Variants in MBNL2 observed in about 807,000 individuals in gnomAD.
The protein encoded by MBNL2 is muscleblind-like protein 2.
In MBNL2, 17 loss-of-function variants were observed where a neutral mutation model predicts 41.9. The observed-to-expected ratio is 0.41, with a 90% CI of 0.28 to 0.61. The LOEUF (loss-of-function observed/expected upper bound fraction) is 0.61, where lower values mean the gene tolerates loss of function less well. Ranked by LOEUF, MBNL2 falls within the 20% of genes least tolerant of loss-of-function variation. The pLI, the probability that MBNL2 is intolerant of heterozygous loss-of-function variation, is 0.35. For synonymous variants in MBNL2, 195 were observed against 182.9 expected (o/e 1.07, Z -0.53); for missense variants, 336 against 505.6 (o/e 0.66, Z 3.22).
chr13:97,383,589 CT>C (rs759808541), intron 8 of MBNL2, among the ~76,000 whole-genome samples: 1 of 152,110 alleles, frequency 6.6e-6, no homozygotes, highest in African/African-American at 2.4e-5. Flanking sequence ...TGAATATAAA[CT>C]TTCTACTAAA....
intron 8 of MBNL2, among the ~76,000 whole-genome samples, chr13:97,378,011 T>G (rs927451603): frequency 6.6e-6 from 1 of 151,796 alleles, no homozygotes; most frequent in Non-Finnish European, 1.5e-5. Context: ...TGAGACTGGA[T>G]GCACAGAGGT....
At chr13:97,187,646 G>A in the MBNL2 span, among the ~76,000 whole-genome samples, 10,221 of 134,458 alleles carry the variant, frequency 0.076, 574 homozygotes, top group African/African-American at 0.17. Flanking sequence ...GGTGGCTCAC[G>A]CCTGTAATCC....
intron 2 of MBNL2, among the ~76,000 whole-genome samples, chr13:97,303,266 C>A (rs1342803388): frequency 6.6e-6 from 1 of 152,080 alleles, no homozygotes; most frequent in Non-Finnish European, 1.5e-5. Context: ...GCTGGCAATG[C>A]AGATTTGGAT....
In MBNL2 at chr13:97,263,673, G is replaced by T. The variant is rs190482288; in HGVS notation, c.-604-11959G>T. Among the ~76,000 whole-genome samples, 7 of 151,446 alleles carry T rather than the reference G, an allele frequency of 4.6e-5. No homozygotes were observed. The East Asian group carries it at 1.2e-3, about 25-fold the overall frequency. ...TACTCTGTCACCCAGGCTGGAGTGC[G>T]GTGGTGCTATCTCTGCTCACTGCAA... is the stretch of plus-strand genomic sequence containing the variant. On this transcript the variant is annotated intron_variant, in intron 1 of 8. Transcript: ENST00000679496.
chr13:97,356,871 C>T (rs554265156), intron 6 of MBNL2, 22 bp downstream of exon 6: 51 of 1,344,428 alleles, frequency 3.8e-5, no homozygotes, highest in Middle Eastern at 2.1e-4. Flanking sequence ...TTTCACCTTT[C>T]GCTTTGCATG....
intron 2 of MBNL2, among the ~76,000 whole-genome samples, chr13:97,304,298 G>A (rs1381631285): frequency 6.6e-6 from 1 of 152,214 alleles, no homozygotes; most frequent in Non-Finnish European, 1.5e-5. Flanking sequence ...TGTAGGGATT[G>A]ACTTGGTGAG....
At position 97,334,248 on chromosome 13, in the gene MBNL2, G is replaced by T. The variant is rs750966268; in HGVS notation, c.175-28G>T. ...TTGGAGTTGCAAGCTACTTAAAATA[G>T]TCCTAAAACCAACACTTGTTTTTAC... On this transcript the variant is annotated intron_variant, in intron 2 of 8. Coordinates refer to ENST00000679496, the MANE Select transcript of MBNL2 (RefSeq NM_001382683.1). This position sits in a 1 kb window ranked among gnomAD's most constrained non-coding sequence, Gnocchi z 5.3. 1 of 1,587,416 alleles carries T rather than the reference G, an allele frequency of 6.3e-7. No homozygotes were observed. The highest frequency in any genetic ancestry group is 2.2e-5 in the East Asian group (1 of 44,642).
the MBNL2 span, among the ~76,000 whole-genome samples, chr13:97,208,807 T>C: frequency 6.6e-6 from 1 of 152,202 alleles, no homozygotes; most frequent in African/African-American, 2.4e-5. Context: ...GGTTGTGTAC[T>C]ATACAACTCC....
chr13:97,207,925 T>G, the MBNL2 span, among the ~76,000 whole-genome samples: 73,597 of 152,126 alleles, frequency 0.48, 21,685 homozygotes, highest in Non-Finnish European at 0.65. Context: ...CATGCAAGTT[T>G]GAAATCCAGC....
At chr13:97,280,073 A>T (rs2053043606) in intron 2 of MBNL2, among the ~76,000 whole-genome samples, 1 of 152,214 alleles carries the variant, frequency 6.6e-6, no homozygotes, top group African/African-American at 2.4e-5. Context: ...TCCACGAGTT[A>T]GGTTAACTTG....
intron 5 of MBNL2, among the ~76,000 whole-genome samples, chr13:97,349,265 CATT>C (rs2062197402): frequency 6.6e-6 from 1 of 152,008 alleles, no homozygotes; most frequent in South Asian, 2.1e-4. Context: ...TTCCGAAACT[CATT>C]ATAATTGGGA....
intron 1 of MBNL2, among the ~76,000 whole-genome samples, chr13:97,235,485 C>T (rs1269520207): frequency 1.3e-5 from 2 of 152,122 alleles, no homozygotes; most frequent in Non-Finnish European, 2.9e-5. Context: ...GAAAACATTG[C>T]CATTTAAAAC....
At chr13:97,180,980 G>C in the MBNL2 span, among the ~76,000 whole-genome samples, 97 of 152,000 alleles carry the variant, frequency 6.4e-4, no homozygotes, top group Non-Finnish European at 4.4e-5. Flanking sequence ...GCCTTTCTCA[G>C]CTTCTAGAGG....
At chr13:97,213,473 A>C in the MBNL2 span, among the ~76,000 whole-genome samples, 2 of 152,222 alleles carry the variant, frequency 1.3e-5, no homozygotes, top group Admixed American at 1.3e-4. Context: ...TGCAATGCAC[A>C]TTCCCAGAAT....
intron 8 of MBNL2, among the ~76,000 whole-genome samples, chr13:97,388,954 C>T (rs1430490107): frequency 6.6e-6 from 1 of 152,178 alleles, no homozygotes; most frequent in African/African-American, 2.4e-5. Context: ...GAGTGTGATT[C>T]GTTTTTTATA....
intron 3 of MBNL2, among the ~76,000 whole-genome samples, chr13:97,337,022 T>A (rs1375708801): frequency 6.6e-6 from 1 of 152,160 alleles, no homozygotes; most frequent in Non-Finnish European, 1.5e-5. Context: ...GCCTTTATTG[T>A]TGCTGTGGTC....
At chr13:97,171,191 A>T in the MBNL2 span, among the ~76,000 whole-genome samples, 1 of 152,332 alleles carries the variant, frequency 6.6e-6, no homozygotes, top group East Asian at 1.9e-4. Flanking sequence ...TAGTTCATAT[A>T]TAACACTTCC....
chr13:97,292,673 C>A (rs1481341280), intron 2 of MBNL2, among the ~76,000 whole-genome samples: 1 of 151,922 alleles, frequency 6.6e-6, no homozygotes, highest in Non-Finnish European at 1.5e-5. Flanking sequence ...TTGTCGATAT[C>A]CAAATTCCTC....
At chr13:97,322,810 T>C (rs574558148) in intron 2 of MBNL2, among the ~76,000 whole-genome samples, 18 of 152,294 alleles carry the variant, frequency 1.2e-4, no homozygotes, top group Non-Finnish European at 1.8e-4. Flanking sequence ...ACCAAGGCAC[T>C]CTGGCCTTGT....
Sources: gnomAD v4.1 joint callset for allele counts (sites outside exome capture counted in the v4.1 genomes callset) on GRCh38, gnomAD v4.1.1 for gene constraint, Gnocchi (gnomAD v3.1) non-coding constraint, MANE v1.5 for transcripts, NCBI Gene and HGNC (gene_info 2026-07-23, HGNC 2026-07-21) for gene names.